The following QNG1 variants were observed in gnomAD, a reference collection of about 807,000 sequenced individuals.
QNG1 encodes queuosine 5'-phosphate N-glycosylase/hydrolase.
At chr9:83,953,336 C>A in the QNG1 span, among the ~76,000 whole-genome samples, 1 of 151,600 alleles carries the variant, frequency 6.6e-6, no homozygotes, top group Non-Finnish European at 1.5e-5. Flanking sequence ...CACACTAATA[C>A]AATTGAATTC....
At chr9:83,942,133 C>T in the QNG1 span, among the ~76,000 whole-genome samples, 4 of 152,184 alleles carry the variant, frequency 2.6e-5, no homozygotes, top group Non-Finnish European at 4.4e-5. Context: ...TGACACAATA[C>T]ATTTCTGTTC....
At chr9:83,948,699 T>G in the QNG1 span, among the ~76,000 whole-genome samples, 1 of 152,136 alleles carries the variant, frequency 6.6e-6, no homozygotes, top group African/African-American at 2.4e-5. Flanking sequence ...TGTTACTGTG[T>G]CCGTGTAGAA....
chr9:83,945,792 CG>C, the QNG1 span, among the ~76,000 whole-genome samples: 19 of 151,870 alleles, frequency 1.3e-4, no homozygotes, highest in Admixed American at 4.6e-4. Flanking sequence ...TTAGAAGAGA[CG>C]GGGTTTCACT....
At chr9:83,939,364 G>C in the QNG1 span, 3 of 631,540 alleles carry the variant, frequency 4.8e-6, no homozygotes, top group South Asian at 3.9e-5. Flanking sequence ...AAACCACTGT[G>C]CCCGGCCTAG....
the QNG1 span, chr9:83,956,499 A>T: frequency 6.6e-7 from 1 of 1,519,680 alleles, no homozygotes; most frequent in Non-Finnish European, 8.8e-7. Context: ...GAGCCCGTCC[A>T]TTCTGCCCTT....
chr9:83,943,079 C>T, the QNG1 span, among the ~76,000 whole-genome samples: 2 of 152,082 alleles, frequency 1.3e-5, no homozygotes, highest in African/African-American at 4.8e-5. Flanking sequence ...TGGTGGCTCA[C>T]GCCTGTAATC....
chr9:83,944,754 C>T, the QNG1 span: 1 of 1,462,430 alleles, frequency 6.8e-7, no homozygotes, highest in African/African-American at 1.4e-5. Flanking sequence ...CGAGATCCAA[C>T]AATTCATAGT....
chr9:83,955,437 A>C, the QNG1 span: 1 of 1,614,156 alleles, frequency 6.2e-7, no homozygotes. Context: ...AGGTGCATTA[A>C]CTTCTGCGCA....
chr9:83,945,492 A>AT, the QNG1 span, among the ~76,000 whole-genome samples: 2 of 151,956 alleles, frequency 1.3e-5, no homozygotes, highest in Non-Finnish European at 2.9e-5. Flanking sequence ...CTCGCTTCCC[A>AT]TTTTTCAAGG....
the QNG1 span, chr9:83,953,509 G>A: frequency 3.4e-5 from 8 of 233,630 alleles, no homozygotes; most frequent in East Asian, 1.2e-4. Context: ...CACCACACCC[G>A]GCTAATTTTT....
the QNG1 span, among the ~76,000 whole-genome samples, chr9:83,951,163 C>T: frequency 6.6e-6 from 1 of 151,938 alleles, no homozygotes; most frequent in Non-Finnish European, 1.5e-5. Flanking sequence ...CCCAGCTACT[C>T]GGGAGCTGAG....
the QNG1 span, among the ~76,000 whole-genome samples, chr9:83,951,500 G>A: frequency 6.6e-6 from 1 of 152,208 alleles, no homozygotes; most frequent in Admixed American, 6.5e-5. Flanking sequence ...GGCAGAGGTT[G>A]CAGTGAGCCG....
the QNG1 span, among the ~76,000 whole-genome samples, chr9:83,950,730 G>A: frequency 6.6e-6 from 1 of 151,288 alleles, no homozygotes; most frequent in Non-Finnish European, 1.5e-5. Flanking sequence ...CTCCTGAATA[G>A]CTGGGACTAT....
the QNG1 span, among the ~76,000 whole-genome samples, chr9:83,949,610 C>T: frequency 6.6e-6 from 1 of 152,058 alleles, no homozygotes; most frequent in Non-Finnish European, 1.5e-5. Flanking sequence ...CACGCCATTG[C>T]ACTCCAGCCT....
the QNG1 span, among the ~76,000 whole-genome samples, chr9:83,948,408 G>GC: frequency 8.6e-5 from 13 of 150,672 alleles, no homozygotes; most frequent in African/African-American, 1.5e-4. Context: ...CCCGGCAGCC[G>GC]CCCCGTCCGG....
chr9:83,952,219 A>C, the QNG1 span, among the ~76,000 whole-genome samples: 1 of 152,160 alleles, frequency 6.6e-6, no homozygotes, highest in African/African-American at 2.4e-5. Flanking sequence ...CCTGGGCTCA[A>C]GCAATCCTCT....
At chr9:83,949,372 A>G in the QNG1 span, among the ~76,000 whole-genome samples, 1 of 152,198 alleles carries the variant, frequency 6.6e-6, no homozygotes, top group Non-Finnish European at 1.5e-5. Flanking sequence ...GGCTGGGTGC[A>G]GTGGCTCATG....
the QNG1 span, among the ~76,000 whole-genome samples, chr9:83,949,481 T>TAA: frequency 6.6e-6 from 1 of 151,622 alleles, no homozygotes; most frequent in African/African-American, 2.4e-5. Context: ...CCGTCTCTAC[T>TAA]AAAAAAAATA....
the QNG1 span, chr9:83,956,919 C>G: frequency 7.9e-3 from 1,254 of 158,958 alleles, 31 homozygotes; most frequent in East Asian, 0.033. Context: ...AGGTGGGACT[C>G]GAAGACGGCG....
Sources: allele counts gnomAD v4.1 joint callset (sites outside exome capture counted in the v4.1 genomes callset), GRCh38; gene constraint gnomAD v4.1.1; transcripts MANE v1.5; gene names NCBI Gene and HGNC (gene_info 2026-07-23, HGNC 2026-07-21).